WDR1: variants seen among roughly 807,000 people sequenced by gnomAD.
The protein encoded by WDR1 is WD repeat domain 1, also known as WD repeat-containing protein 1.
In WDR1, 21 loss-of-function variants were observed where a neutral mutation model predicts 71.9. That is an observed-to-expected ratio of 0.29 (90% confidence interval 0.21 to 0.42). The LOEUF (loss-of-function observed/expected upper bound fraction) is 0.42. WDR1 is among the 10% of genes least tolerant of loss of function. The pLI is 1.00. For synonymous variants in WDR1, 424 were observed against 347.4 expected, an observed-to-expected ratio of 1.22 and a Z score of -2.45; for missense variants, 696 against 824.5, an observed-to-expected ratio of 0.84 and a Z score of 1.91.
rs1380559064 is a variant in WDR1, at chr4:10,075,353, C to A, written c.*25G>T. On this transcript the variant is annotated 3_prime_UTR_variant, in exon 15 of 15. Coordinates refer to ENST00000499869, the MANE Select transcript of WDR1 (RefSeq NM_017491.5). ...TTAAACTCTAGTCCCTGATTCGGTC[C>A]ATCCAGAGGCGGGGGTGGGGCTCCT... 1 of 1,604,436 alleles carries A rather than the reference C, an allele frequency of 6.2e-7. No individual in the cohort carries two copies. The highest frequency in any genetic ancestry group is 2.2e-5 in the East Asian group (1 of 44,788).
chr4:10,096,723 T>C (rs1240033426), intron 5 of WDR1: 1 of 152,218 alleles, frequency 6.6e-6, no homozygotes, highest in Non-Finnish European at 1.5e-5. Context: ...ACAGTGCTCC[T>C]CACTGAGCCA....
chr4:10,092,197 G>C (rs990463649), intron 5 of WDR1: 2 of 152,132 alleles, frequency 1.3e-5, no homozygotes, highest in Non-Finnish European at 2.9e-5. Flanking sequence ...GGGTCCTTCT[G>C]ACGAATGAGT....
chr4:10,079,200 G>C (rs1269624803), intron 11 of WDR1, among the ~76,000 whole-genome samples, 199 bp from the exon 12 acceptor site: 1 of 152,222 alleles, frequency 6.6e-6, no homozygotes, highest in Admixed American at 6.5e-5. Flanking sequence ...AGCCAGTCAG[G>C]TGGGGCAGGA....
intron 1 of WDR1, 179 bp downstream of exon 1, chr4:10,116,472 C>A (rs1480627639): frequency 8.1e-5 from 59 of 727,526 alleles, no homozygotes; most frequent in Non-Finnish European, 8.9e-5. Context: ...TGGGGGCGCA[C>A]CCCCCGTCGG....
In WDR1 at chr4:10,088,370, A is replaced by G. The variant is rs115753948; in HGVS notation, c.640T>C (p.Tyr214His). Residue 214 changes from tyrosine to histidine, a missense_variant, in exon 7 of 15, where the codon TAC (tyrosine) becomes CAC (histidine). Coordinates refer to ENST00000499869, the MANE Select transcript of WDR1 (RefSeq NM_017491.5). ...FATASADGQI[Y>H]IYDGKTGEKV... ...TCCCCAGTCTTCCCGTCATAGATGT[A>G]TATCTTCCAAGAAATAAAAACATGT... 1.4e-4 allele frequency: 224 copies of G among 1,555,934 alleles called. No homozygotes were observed. The African/African-American group carries it at 1.8e-3, about 13-fold the overall frequency.
In WDR1 at chr4:10,075,258, TG is replaced by T; in HGVS notation, c.*119del. The T allele has an allele frequency of 1.2e-6, 1 of 819,362 alleles. No homozygotes were observed. Among genetic ancestry groups the T allele is most frequent in the East Asian group, 2.7e-5 (1 of 37,494 alleles). The allele number at this position is 819,362 out of a possible 1,614,324, so 50.8% of individuals were successfully genotyped here. On this transcript the variant is annotated 3_prime_UTR_variant, in exon 15 of 15. Transcript: ENST00000499869. ...GACGAGGGTCATGACTGGGCCCTCC[TG>T]CCTCTTGTGGTGGGGTGGGGGCATG...
chr4:10,098,900 C>A, intron 4 of WDR1, 92 bp downstream of exon 4: 1 of 1,561,362 alleles, frequency 6.4e-7, no homozygotes, highest in Non-Finnish European at 8.7e-7. Context: ...CAAGTTAGTA[C>A]AGACATCAGC....
chr4:10,098,271 C>T (rs1272517128), intron 4 of WDR1, among the ~76,000 whole-genome samples: 1 of 152,162 alleles, frequency 6.6e-6, no homozygotes, highest in Middle Eastern at 3.2e-3. Context: ...TGACATTCAA[C>T]AAAAACACTG....
chr4:10,114,756 C>T (rs951822672), intron 2 of WDR1, among the ~76,000 whole-genome samples: 4 of 152,308 alleles, frequency 2.6e-5, no homozygotes, highest in African/African-American at 9.6e-5. Flanking sequence ...CAAGGCCCTT[C>T]GGCTTTCTAG....
intron 14 of WDR1, 163 bp downstream of exon 14, chr4:10,077,141 T>C (rs1764830265): frequency 4.9e-6 from 5 of 1,013,624 alleles, no homozygotes; most frequent in Non-Finnish European, 4.2e-6. Context: ...GCGCAGCTGG[T>C]GTTTGCTGGA....
chr4:10,076,817 C>A (rs1292120262), intron 14 of WDR1: 1 of 157,688 alleles, frequency 6.3e-6, no homozygotes. Context: ...AGCTGCCTTA[C>A]AATACGTGCA....
Position 10,087,923 on chromosome 4 carries a change from G to A in WDR1, c.735C>T (p.Asp245=), listed in dbSNP as rs1331251960. Residue 245 remains aspartate, a synonymous_variant, in exon 8 of 15, where the codon GAC becomes GAT. Coordinates refer to ENST00000499869, the MANE Select transcript of WDR1 (RefSeq NM_017491.5). ...CAGAAGCAGAAAGCAAATGGGTGCT[G>A]TCGGGACTCCAACTAATCTATTCAG... ...GGIYAISWSP[D]STHLLSASGD... 1.3e-6 allele frequency: 2 copies of A among 1,555,456 alleles called. No homozygotes were observed. Among genetic ancestry groups the A allele is most frequent in the Admixed American group, 1.9e-5 (1 of 51,476 alleles).
intron 13 of WDR1, 38 bp downstream of exon 13, chr4:10,077,715 C>A: frequency 6.5e-7 from 1 of 1,528,056 alleles, no homozygotes; most frequent in Non-Finnish European, 8.8e-7. Context: ...CCTGCACCGC[C>A]CAGCACGGGG....
At chr4:10,113,264 G>C (rs774325468) in intron 2 of WDR1, among the ~76,000 whole-genome samples, 1 of 152,210 alleles carries the variant, frequency 6.6e-6, no homozygotes, top group Non-Finnish European at 1.5e-5. Context: ...GGGAGGCTGA[G>C]GCAGGAGATT....
At chr4:10,092,869 A>G in intron 5 of WDR1, 2 of 399,838 alleles carry the variant, frequency 5.0e-6, no homozygotes, top group South Asian at 1.9e-5. Context: ...CCAGCCAACC[A>G]GCGGGGCTGC....
At chr4:10,099,268 T>C (rs1277487713) in intron 3 of WDR1, 129 bp from the exon 4 acceptor site, 1 of 733,874 alleles carries the variant, frequency 1.4e-6, no homozygotes, top group Non-Finnish European at 2.2e-6. Context: ...TCTGGTTGCT[T>C]AGGCTTTCTA....
At chr4:10,104,880 C>A (rs1712926471) in intron 2 of WDR1, among the ~76,000 whole-genome samples, 1 of 152,204 alleles carries the variant, frequency 6.6e-6, no homozygotes, top group South Asian at 2.1e-4. Flanking sequence ...ACACCAGACT[C>A]CTGTGAGGGT....
chr4:10,084,651 A>T, intron 8 of WDR1, 121 bp from the exon 9 acceptor site: 1 of 895,800 alleles, frequency 1.1e-6, no homozygotes, highest in East Asian at 2.7e-5. Context: ...AATCCATGGC[A>T]GTGCAGGTGC....
chr4:10,077,574 G>A, intron 13 of WDR1, 126 bp from the exon 14 acceptor site: 1 of 1,509,892 alleles, frequency 6.6e-7, no homozygotes, highest in Non-Finnish European at 9.0e-7. Flanking sequence ...CTCTATGCCA[G>A]CGACCCCTGC....
Sources: allele counts gnomAD v4.1 joint callset (sites outside exome capture counted in the v4.1 genomes callset), GRCh38; gene constraint gnomAD v4.1.1; transcripts MANE v1.5; gene names NCBI Gene and HGNC (gene_info 2026-07-23, HGNC 2026-07-21).